APCDD1L: variants seen among roughly 807,000 people sequenced by gnomAD.
APCDD1L encodes protein APCDD1-like.
In APCDD1L, 21 loss-of-function variants were observed where a neutral mutation model predicts 24.2. That is an observed-to-expected ratio of 0.87 (90% CI 0.61 to 1.25). The LOEUF is 1.25. Ranked by LOEUF, APCDD1L falls within the 50% of genes most tolerant of loss-of-function variation. The pLI, the probability that APCDD1L is intolerant of heterozygous loss-of-function variation, is 0.00. For synonymous variants in APCDD1L, 321 were observed against 323.6 expected (o/e 0.99, Z 0.09); for missense variants, 704 against 711.7 (o/e 0.99, Z 0.12).
At position 58,514,908 on chromosome 20, in the gene APCDD1L, A is replaced by C; in HGVS notation, c.-201T>G. ...TTGATAGTTGTAAGCGGAGCTGCGC[A>C]CTCATAGGTCCAACTTGCCAGAAGA... On this transcript the variant is annotated 5_prime_UTR_variant, in exon 1 of 4. Transcript: ENST00000371149. The C allele has an allele frequency of 3.0e-6, 1 of 334,380 alleles. No homozygotes were observed. 20.7% of individuals were successfully genotyped at this position (334,380 alleles called of 1,614,324 possible).
chr20:58,510,490 A>G (rs1990606962), intron 1 of APCDD1L, among the ~76,000 whole-genome samples: 1 of 152,088 alleles, frequency 6.6e-6, no homozygotes, highest in African/African-American at 2.4e-5. Flanking sequence ...CTGACACCAC[A>G]CCCAGCTAAT....
At chr20:58,479,309 T>C (rs1248786144) in intron 1 of APCDD1L, among the ~76,000 whole-genome samples, 2 of 152,238 alleles carry the variant, frequency 1.3e-5, no homozygotes, top group Non-Finnish European at 2.9e-5. Context: ...GAACTTGGTG[T>C]ATATTTTATA....
chr20:58,476,966 C>T (rs962260773), intron 1 of APCDD1L, among the ~76,000 whole-genome samples: 1 of 152,236 alleles, frequency 6.6e-6, no homozygotes, highest in Admixed American at 6.5e-5. Context: ...TCTGTTCACT[C>T]CATTCTCTTC....
intron 1 of APCDD1L, among the ~76,000 whole-genome samples, chr20:58,502,315 G>A (rs1990451016): frequency 6.6e-6 from 1 of 152,140 alleles, no homozygotes; most frequent in Admixed American, 6.5e-5. Flanking sequence ...TGGCCAGGCT[G>A]GTCTTGAACT....
intron 1 of APCDD1L, among the ~76,000 whole-genome samples, chr20:58,504,214 G>A (rs1159888137): frequency 1.3e-5 from 2 of 152,178 alleles, no homozygotes; most frequent in African/African-American, 4.8e-5. Flanking sequence ...GTATCAACAA[G>A]TAGCCCAATG....
At chr20:58,464,388 T>C (rs983032746) in intron 3 of APCDD1L, among the ~76,000 whole-genome samples, 5 of 152,180 alleles carry the variant, frequency 3.3e-5, no homozygotes, top group Admixed American at 2.6e-4. Flanking sequence ...GAAAAAGCAT[T>C]TCCTTCTGTG....
intron 1 of APCDD1L, among the ~76,000 whole-genome samples, chr20:58,473,166 T>C (rs1433256153): frequency 6.6e-6 from 1 of 152,120 alleles, no homozygotes; most frequent in Admixed American, 6.5e-5. Context: ...GCCCTGCAAA[T>C]TATCTTGTCA....
chr20:58,498,263 G>A (rs987073198), intron 1 of APCDD1L, among the ~76,000 whole-genome samples: 1 of 152,148 alleles, frequency 6.6e-6, no homozygotes, highest in Non-Finnish European at 1.5e-5. Flanking sequence ...CTTCAAAAGC[G>A]TCTTGCTAAA....
At chr20:58,465,472 G>T (rs539659698) in intron 3 of APCDD1L, among the ~76,000 whole-genome samples, 1 of 152,200 alleles carries the variant, frequency 6.6e-6, no homozygotes, top group Non-Finnish European at 1.5e-5. Context: ...TCCAGTACAC[G>T]GTAGGCAACA....
At chr20:58,505,999 G>C (rs1322232085) in intron 1 of APCDD1L, among the ~76,000 whole-genome samples, 1 of 152,144 alleles carries the variant, frequency 6.6e-6, no homozygotes, top group African/African-American at 2.4e-5. Flanking sequence ...CCTTCTACAG[G>C]CTTCAGAGGG....
chr20:58,510,617 C>T (rs1238670004), intron 1 of APCDD1L, among the ~76,000 whole-genome samples: 1 of 152,206 alleles, frequency 6.6e-6, no homozygotes, highest in Non-Finnish European at 1.5e-5. Context: ...AAGGCGTGAG[C>T]CACCATGCCC....
chr20:58,484,825 T>C (rs1440526881), intron 1 of APCDD1L, among the ~76,000 whole-genome samples: 1 of 152,156 alleles, frequency 6.6e-6, no homozygotes, highest in Middle Eastern at 3.2e-3. Flanking sequence ...TTAAAAAAGG[T>C]GTAAAATGAA....
In APCDD1L at chr20:58,461,541, G is replaced by A. The variant is rs781612876; in HGVS notation, c.755C>T (p.Pro252Leu). Residue 252 changes from proline (P) to leucine (L), a missense_variant, in exon 4 of 4, where the codon CCG (proline) becomes CTG (leucine). Pro to Leu is a moderately conservative substitution (Grantham distance 98, BLOSUM62 -3). Transcript: ENST00000371149. The surrounding 1 kb of genome is among the most constrained non-coding windows in gnomAD (Gnocchi z 6.0). ...GGCAATGAGGCCACAGGCTGGGCAC[G>A]GCTGCACGTGGTGCTGGCAAAAGAC... ...PLQSALHHVQ[P>L]CPACGLIARS... 20 of 1,428,250 alleles carry A rather than the reference G, an allele frequency of 1.4e-5. No homozygotes were observed. Among genetic ancestry groups the A allele is most frequent in the East Asian group, 2.5e-5 (1 of 39,686 alleles). 88.5% of individuals were successfully genotyped at this position (1,428,250 alleles called of 1,614,324 possible).
intron 1 of APCDD1L, among the ~76,000 whole-genome samples, chr20:58,504,475 CG>C (rs1990498165): frequency 6.6e-6 from 1 of 152,162 alleles, no homozygotes; most frequent in South Asian, 2.1e-4. Flanking sequence ...AGCCCAGTAG[CG>C]TCTATTTCTT....
intron 1 of APCDD1L, among the ~76,000 whole-genome samples, chr20:58,499,350 G>A (rs938300232): frequency 2.0e-4 from 31 of 152,120 alleles, no homozygotes; most frequent in African/African-American, 7.2e-4. Flanking sequence ...AGTGAGAGAG[G>A]ACGGGAATGG....
chr20:58,465,760 C>G (rs1336443173), intron 3 of APCDD1L, among the ~76,000 whole-genome samples: 1 of 152,194 alleles, frequency 6.6e-6, no homozygotes, highest in Admixed American at 6.5e-5. Flanking sequence ...GAACCTCTGA[C>G]CTTGTATGAC....
At position 58,467,554 on chromosome 20, in the gene APCDD1L, C is replaced by G; in HGVS notation, c.293G>C (p.Gly98Ala). 1 of 1,584,974 alleles carries G rather than the reference C, an allele frequency of 6.3e-7. No homozygotes were observed. Among genetic ancestry groups the G allele is most frequent in the Non-Finnish European group, 8.6e-7 (1 of 1,165,592 alleles). The stretch of plus-strand genomic sequence containing the variant: ...GACGAGCAGCGAGTGGGCAGGTTCC[C>G]CGCAGAAGGGGTCCTCGTAGTAGAA... ...HQFYYEDPFC[G>A]EPAHSLLVKG... Residue 98 changes from glycine (G) to alanine (A), a missense_variant, in exon 3 of 4, where the codon GGG becomes GCG. Transcript: ENST00000371149. This position sits in a 1 kb window ranked among gnomAD's most constrained non-coding sequence, Gnocchi z 5.9.
At chr20:58,495,860 A>G (rs1455483321) in intron 1 of APCDD1L, among the ~76,000 whole-genome samples, 1 of 152,094 alleles carries the variant, frequency 6.6e-6, no homozygotes. Flanking sequence ...AGCTGCTGCC[A>G]GGGCCATCAG....
At chr20:58,499,511 T>C (rs558283875) in intron 1 of APCDD1L, among the ~76,000 whole-genome samples, 1 of 152,278 alleles carries the variant, frequency 6.6e-6, no homozygotes, top group East Asian at 1.9e-4. Flanking sequence ...TGCAATTTGG[T>C]CTCAAAAATA....
Sources: gnomAD v4.1 joint callset for allele counts (sites outside exome capture counted in the v4.1 genomes callset) on GRCh38, gnomAD v4.1.1 for gene constraint, Gnocchi (gnomAD v3.1) non-coding constraint, MANE v1.5 for transcripts, NCBI Gene and HGNC (gene_info 2026-07-23, HGNC 2026-07-21) for gene names.